CDC42BPA: variants seen among roughly 807,000 people sequenced by gnomAD.
CDC42BPA encodes the protein CDC42 binding protein kinase alpha, also known as serine/threonine-protein kinase MRCK alpha.
Under a neutral mutation model 223.5 loss-of-function variants are expected in CDC42BPA, and 80 were observed. The observed-to-expected ratio is 0.36, with a 90% CI of 0.30 to 0.43. CDC42BPA has a LOEUF of 0.43. Among genes scored for constraint, CDC42BPA ranks in the 20% least tolerant of loss-of-function variants. The pLI, the probability that CDC42BPA is intolerant of heterozygous loss-of-function variation, is 1.00. For synonymous variants in CDC42BPA, 694 were observed against 718.6 expected (o/e 0.97, Z 0.55); for missense variants, 1,743 against 2,099.9 (o/e 0.83, Z 3.32).
intron 1 of CDC42BPA, among the ~76,000 whole-genome samples, chr1:227,292,727 T>C (rs1002362904): frequency 6.6e-6 from 1 of 152,192 alleles, no homozygotes; most frequent in South Asian, 2.1e-4. Flanking sequence ...TTATGAGGAA[T>C]ATGTCTTACT....
At chr1:227,083,281 A>T (rs60238989) in intron 16 of CDC42BPA, among the ~76,000 whole-genome samples, 23,606 of 146,782 alleles carry the variant, frequency 0.16, 2,197 homozygotes, top group African/African-American at 0.25. Context: ...AGTCTAAAAA[A>T]TTTTTTTTTA....
chr1:227,270,945 G>A (rs1685861432), intron 1 of CDC42BPA, among the ~76,000 whole-genome samples: 1 of 152,144 alleles, frequency 6.6e-6, no homozygotes, highest in Non-Finnish European at 1.5e-5. Flanking sequence ...TCCACTGTAT[G>A]CTTATGCTAC....
Position 227,139,744 on chromosome 1 carries a change from TG to T in CDC42BPA, c.1224-3del. ...AAACAGCTCCGATCAGAAAGTACAC[TG>T]AAGAAAAGAAAAAAAAATGTAGGTT... On this transcript the variant is annotated splice_region_variant and splice_polypyrimidine_tract_variant and intron_variant, in intron 9 of 36. Transcript: ENST00000366766. The T allele has an allele frequency of 6.7e-7, 1 of 1,500,342 alleles. No individual in the cohort carries two copies. The highest frequency in any genetic ancestry group is 8.9e-7 in the Non-Finnish European group (1 of 1,129,540). The allele number at this position is 1,500,342 out of a possible 1,614,324, so 92.9% of individuals were successfully genotyped here.
intron 1 of CDC42BPA, among the ~76,000 whole-genome samples, chr1:227,287,661 C>T (rs1225390182): frequency 2.0e-5 from 3 of 152,088 alleles, no homozygotes; most frequent in African/African-American, 4.8e-5. Flanking sequence ...AGGGTTCCTA[C>T]GTGACTAGCC....
At chr1:227,168,497 G>GGTTTTTTTTTTTGTTTTTTTTTTT (rs1665462396) in intron 5 of CDC42BPA, among the ~76,000 whole-genome samples, 1 of 80,196 alleles carries the variant, frequency 1.2e-5, no homozygotes, top group African/African-American at 5.0e-5. Context: ...CTTCCCTGGT[G>GGTTTTTTTTTTTGTTTTTTTTTTT]TTTTTTTTTT....
At chr1:227,132,999 G>C (rs2149539387) in intron 10 of CDC42BPA, among the ~76,000 whole-genome samples, 1 of 151,944 alleles carries the variant, frequency 6.6e-6, no homozygotes, top group Admixed American at 6.5e-5. Flanking sequence ...GGGAAGTGAG[G>C]AGCATCTCCG....
At chr1:227,161,552 A>G (rs1663894034) in intron 5 of CDC42BPA, among the ~76,000 whole-genome samples, 1 of 152,242 alleles carries the variant, frequency 6.6e-6, no homozygotes, top group East Asian at 1.9e-4. Context: ...CACCCATAAT[A>G]AGGGTAAAAT....
intron 1 of CDC42BPA, among the ~76,000 whole-genome samples, chr1:227,300,695 G>C (rs186518551): frequency 6.6e-6 from 1 of 152,270 alleles, no homozygotes; most frequent in East Asian, 1.9e-4. Flanking sequence ...AAGGGGGTAA[G>C]GGATAAAAAA....
intron 17 of CDC42BPA, among the ~76,000 whole-genome samples, chr1:227,080,246 AC>A (rs1483994220): frequency 3.5e-5 from 5 of 144,524 alleles, no homozygotes; most frequent in Non-Finnish European, 7.7e-5. Context: ...ACCTATTTTT[AC>A]TTGGAAATAC....
intron 14 of CDC42BPA, among the ~76,000 whole-genome samples, chr1:227,109,630 T>C (rs1025700231): frequency 5.3e-5 from 8 of 152,070 alleles, no homozygotes; most frequent in South Asian, 2.1e-4. Context: ...CCTCCCAAAG[T>C]GCTGGGATTA....
chr1:227,312,942 G>A (rs1693775680), intron 1 of CDC42BPA, among the ~76,000 whole-genome samples: 1 of 152,002 alleles, frequency 6.6e-6, no homozygotes, highest in Non-Finnish European at 1.5e-5. Flanking sequence ...GTTTCCTGAG[G>A]CCTCCCCTGC....
intron 14 of CDC42BPA, among the ~76,000 whole-genome samples, chr1:227,109,355 C>A (rs1374101361): frequency 6.6e-6 from 1 of 151,670 alleles, no homozygotes; most frequent in African/African-American, 2.4e-5. Flanking sequence ...ACACATTGTA[C>A]AGATGTACAA....
intron 1 of CDC42BPA, among the ~76,000 whole-genome samples, chr1:227,311,075 G>C (rs918011016): frequency 2.6e-5 from 4 of 152,080 alleles, no homozygotes; most frequent in Non-Finnish European, 5.9e-5. Flanking sequence ...AAAATCACAC[G>C]AAGTGCAGAT....
At chr1:227,314,777 T>C (rs1014911251) in intron 1 of CDC42BPA, among the ~76,000 whole-genome samples, 1 of 151,792 alleles carries the variant, frequency 6.6e-6, no homozygotes, top group African/African-American at 2.4e-5. Context: ...AAAGACAATA[T>C]TTTTTCAATT....
intron 35 of CDC42BPA, chr1:227,003,994 T>TAG (rs1354583606): frequency 1.3e-5 from 2 of 152,018 alleles, no homozygotes; most frequent in African/African-American, 2.4e-5. Flanking sequence ...ATCTTTATTG[T>TAG]AGTAAAGGGT....
chr1:227,185,797 TC>T (rs1196836179), intron 5 of CDC42BPA, among the ~76,000 whole-genome samples: 1 of 151,126 alleles, frequency 6.6e-6, no homozygotes, highest in Non-Finnish European at 1.5e-5. Context: ...CTGGTGTTCC[TC>T]CACTCATCAG....
At chr1:227,165,778 T>A (rs1328865249) in intron 5 of CDC42BPA, among the ~76,000 whole-genome samples, 1 of 152,124 alleles carries the variant, frequency 6.6e-6, no homozygotes, top group Non-Finnish European at 1.5e-5. Context: ...ACATTAGAGA[T>A]ATGGGGCTAA....
Position 227,081,010 on chromosome 1 carries a change from G to T in CDC42BPA, c.2363C>A (p.Thr788Asn), listed in dbSNP as rs775531988. Residue 788 changes from threonine (T) to asparagine (N), a missense_variant, in exon 17 of 37, where the codon ACT becomes AAT. Physicochemically the swap from Thr to Asn is moderately conservative, Grantham distance 65. Around this residue, in one of 6 missense-constraint regions of CDC42BPA, gnomAD observed 464 missense variants for 488.0 expected, o/e 0.95. Coordinates refer to ENST00000366766, the MANE Select transcript of CDC42BPA (RefSeq NM_001394014.1). ...GTGTATACTTAAGTTCTCATACAAA[G>T]TAGTAAGCTGAAAGATAGTTTTAAG... is the stretch of plus-strand genomic sequence containing the variant. ...KLTSELDKLTTLYENLSIHNQ... is the reference protein window; with the variant it reads ...KLTSELDKLTNLYENLSIHNQ... The T allele has an allele frequency of 9.3e-6, 15 of 1,613,344 alleles. No homozygotes were observed. Among genetic ancestry groups the T allele is most frequent in the Non-Finnish European group, 1.3e-5 (15 of 1,179,622 alleles).
chr1:227,088,598 G>A (rs1430900965), intron 16 of CDC42BPA, among the ~76,000 whole-genome samples: 6 of 152,080 alleles, frequency 3.9e-5, no homozygotes, highest in African/African-American at 1.2e-4. Context: ...AACAAAACAA[G>A]TTTTAAAAAC....
Sources: allele counts gnomAD v4.1 joint callset (sites outside exome capture counted in the v4.1 genomes callset), GRCh38; gene constraint gnomAD v4.1.1; regional missense constraint gnomAD v4.1.1; transcripts MANE v1.5; gene names NCBI Gene and HGNC (gene_info 2026-07-23, HGNC 2026-07-21).